SEL1L: variants seen among roughly 807,000 people sequenced by gnomAD.
SEL1L encodes SEL1L adaptor subunit of SYVN1 ubiquitin ligase.
SEL1L carries 52 observed loss-of-function variants against 109.8 expected under a neutral mutation model. The observed-to-expected ratio is 0.47, with a 90% CI of 0.38 to 0.60. The LOEUF is 0.60. SEL1L is among the 20% of genes least tolerant of loss of function. The probability of loss-of-function intolerance (pLI) is 0.00; values close to 1 mark genes in which losing one functional copy is unlikely to be tolerated. For synonymous variants in SEL1L, 373 were observed against 339.6 expected (o/e 1.10, Z -1.08); for missense variants, 749 against 962.2 (o/e 0.78, Z 2.93).
chr14:81,486,912 A>G (rs1019096039), intron 16 of SEL1L, among the ~76,000 whole-genome samples: 2 of 151,990 alleles, frequency 1.3e-5, no homozygotes, highest in Non-Finnish European at 2.9e-5. Context: ...ACAATTTCCA[A>G]TTAGGAGATA....
chr14:81,504,529 A>C (rs1884156587), intron 4 of SEL1L, among the ~76,000 whole-genome samples: 1 of 151,978 alleles, frequency 6.6e-6, no homozygotes, highest in Non-Finnish European at 1.5e-5. Flanking sequence ...CACTGAAATC[A>C]CTTTTTTATA....
intron 3 of SEL1L, among the ~76,000 whole-genome samples, chr14:81,524,076 G>A (rs1468387123): frequency 6.6e-6 from 1 of 152,046 alleles, no homozygotes; most frequent in Non-Finnish European, 1.5e-5. Context: ...TATATTTCAG[G>A]GTAATCAAAG....
At position 81,485,745 on chromosome 14, in the gene SEL1L, T is replaced by C; in HGVS notation, c.1800A>G (p.Arg600=). Residue 600 remains arginine (R), a splice_region_variant and synonymous_variant, in exon 18 of 21, where the codon AGA becomes AGG. Transcript: ENST00000336735. The part of the protein sequence containing the change: ...QSNAAFILDQ[R]EASIVGENET... ...CATTCTCACCTACAATGCTTGCTTC[T>C]CCTACAGGAAAAGAAATGAAATACA... 6.2e-7 allele frequency: 1 copy of C among 1,613,430 alleles called. No individual in the cohort carries two copies. Among genetic ancestry groups the C allele is most frequent in the Non-Finnish European group, 8.5e-7 (1 of 1,179,530 alleles).
chr14:81,498,196 A>T, intron 9 of SEL1L, 150 bp from the exon 10 acceptor site: 1 of 896,772 alleles, frequency 1.1e-6, no homozygotes, highest in South Asian at 1.9e-5. Flanking sequence ...GCAAATCAGT[A>T]ATCTATTAAT....
At chr14:81,520,896 G>C (rs1310444371) in intron 3 of SEL1L, among the ~76,000 whole-genome samples, 1 of 152,084 alleles carries the variant, frequency 6.6e-6, no homozygotes, top group African/African-American at 2.4e-5. Context: ...TCGTGGAATT[G>C]ACACTCTACA....
At chr14:81,502,348 G>A (rs949099027) in intron 6 of SEL1L, among the ~76,000 whole-genome samples, 4 of 152,054 alleles carry the variant, frequency 2.6e-5, no homozygotes, top group African/African-American at 9.7e-5. Context: ...TACTGCTTCT[G>A]TAATAAAATA....
In SEL1L at chr14:81,499,443, A is replaced by C. The variant is rs1448069893; in HGVS notation, c.891+16T>G. On this transcript the variant is annotated intron_variant, in intron 8 of 20. Coordinates refer to ENST00000336735, the MANE Select transcript of SEL1L (RefSeq NM_005065.6). ...CTGATGTTAATATTATTAGCCTTCC[A>C]CTAAAGTCTACTTACCAAAACCATG... is the stretch of plus-strand genomic sequence containing the variant. 1.6e-5 allele frequency: 26 copies of C among 1,606,484 alleles called. No homozygotes were observed. The highest frequency in any genetic ancestry group is 2.1e-5 in the Non-Finnish European group (25 of 1,178,276).
chr14:81,530,411 T>C (rs1885276998), intron 1 of SEL1L, among the ~76,000 whole-genome samples: 1 of 152,220 alleles, frequency 6.6e-6, no homozygotes, highest in African/African-American at 2.4e-5. Flanking sequence ...GTAACACCTC[T>C]GTCCCGCTGA....
intron 3 of SEL1L, among the ~76,000 whole-genome samples, chr14:81,523,215 G>A (rs940447256): frequency 2.0e-5 from 3 of 152,186 alleles, no homozygotes; most frequent in Non-Finnish European, 4.4e-5. Context: ...TAGAGGGTTA[G>A]AATTTACAGT....
rs1195645374 is a variant in SEL1L, at chr14:81,499,299, T to C, written c.891+160A>G. On this transcript the variant is annotated intron_variant, in intron 8 of 20. Transcript: ENST00000336735. ...AACTTTCATTTACATGTAGATTCCA[T>C]GTGTTATATCCATTAACAAGAATTT... 9 of 1,325,488 alleles carry C rather than the reference T, an allele frequency of 6.8e-6. No homozygotes were observed. In the Admixed American group the frequency reaches 1.5e-4, roughly 22 times the overall value. The allele number at this position is 1,325,488 out of a possible 1,614,324, so 82.1% of individuals were successfully genotyped here.
chr14:81,503,669 G>A (rs539480684), intron 5 of SEL1L, among the ~76,000 whole-genome samples: 56 of 152,054 alleles, frequency 3.7e-4, no homozygotes, highest in Non-Finnish European at 6.6e-4. Flanking sequence ...AAAGTTAACC[G>A]ATTTGCAATA....
chr14:81,477,223 G>A, intron 20 of SEL1L, 42 bp from the exon 21 acceptor site: 1 of 1,493,310 alleles, frequency 6.7e-7, no homozygotes, highest in South Asian at 1.1e-5. Context: ...TCACTAAAAT[G>A]TCAGGCAAGG....
chr14:81,491,783 C>CT (rs1883546298), intron 12 of SEL1L, among the ~76,000 whole-genome samples: 1 of 152,134 alleles, frequency 6.6e-6, no homozygotes, highest in South Asian at 2.1e-4. Context: ...GAGAACACAG[C>CT]TACAATGAGA....
intron 1 of SEL1L, among the ~76,000 whole-genome samples, chr14:81,528,027 C>T (rs1358623116): frequency 1.3e-5 from 2 of 152,124 alleles, no homozygotes; most frequent in Non-Finnish European, 2.9e-5. Flanking sequence ...ACAGGTATTT[C>T]TTCACATTCC....
At chr14:81,525,593 T>TGTCTTTTA (rs1885080387) in intron 3 of SEL1L, among the ~76,000 whole-genome samples, 1 of 152,174 alleles carries the variant, frequency 6.6e-6, no homozygotes, top group Non-Finnish European at 1.5e-5. Context: ...GTGTATCTAC[T>TGTCTTTTA]GTCTTTTAAA....
chr14:81,531,550 TTG>T (rs200845830), intron 1 of SEL1L, among the ~76,000 whole-genome samples: 1 of 151,854 alleles, frequency 6.6e-6, no homozygotes, highest in Non-Finnish European at 1.5e-5. Flanking sequence ...TAACACAGGG[TTG>T]TTTTTTTTTC....
chr14:81,529,974 C>A (rs542775566), intron 1 of SEL1L, among the ~76,000 whole-genome samples: 1 of 152,328 alleles, frequency 6.6e-6, no homozygotes, highest in Admixed American at 6.5e-5. Flanking sequence ...TTAAGTTATG[C>A]GCTTCTCGCT....
chr14:81,490,583 G>A (rs1437847907), intron 12 of SEL1L, 118 bp from the exon 13 acceptor site: 1 of 769,488 alleles, frequency 1.3e-6, no homozygotes, highest in Non-Finnish European at 2.2e-6. Flanking sequence ...AAAAAATTTA[G>A]AATTCCCCAC....
rs1249176944 is a variant in SEL1L at position 81,527,028 on chromosome 14, G to A, written c.109-64C>T. The stretch of plus-strand genomic sequence containing the variant: ...AGACTTTCCCCAACCCTATTTGACC[G>A]TTATTTTTACTAATCCAGATATCAC... On this transcript the variant is annotated intron_variant, in intron 2 of 20. Transcript: ENST00000336735. 34 of 1,206,784 alleles carry A rather than the reference G, an allele frequency of 2.8e-5. 1 individual carries two copies. Among genetic ancestry groups the A allele is most frequent in the African/African-American group, 2.0e-4 (13 of 66,522 alleles). The allele number at this position is 1,206,784 out of a possible 1,614,324, so 74.8% of individuals were successfully genotyped here. A position where few individuals can be genotyped will look rare whatever the true frequency, so the allele number is the denominator to read the frequency against.
Sources: allele counts gnomAD v4.1 joint callset (sites outside exome capture counted in the v4.1 genomes callset), GRCh38; gene constraint gnomAD v4.1.1; transcripts MANE v1.5; gene names NCBI Gene and HGNC (gene_info 2026-07-23, HGNC 2026-07-21).